Variants in PHACTR1 observed in about 807,000 individuals in gnomAD.
The protein encoded by PHACTR1 is RPEL repeat containing 1.
Under a neutral mutation model 69.2 loss-of-function variants are expected in PHACTR1, and 16 were observed. The observed-to-expected ratio is 0.23, with a 90% confidence interval of 0.16 to 0.35. The LOEUF is 0.35. Among genes scored for constraint, PHACTR1 ranks in the 10% least tolerant of loss-of-function variants. The probability of loss-of-function intolerance (pLI) is 1.00; values close to 1 mark genes in which losing one functional copy is unlikely to be tolerated. For synonymous variants in PHACTR1, 312 were observed against 284.5 expected (o/e 1.10, Z -0.97); for missense variants, 510 against 734.7 (o/e 0.69, Z 3.54).
At chr6:13,039,373 G>C (rs1376850911) in intron 4 of PHACTR1, among the ~76,000 whole-genome samples, 1 of 152,102 alleles carries the variant, frequency 6.6e-6, no homozygotes, top group Non-Finnish European at 1.5e-5. Context: ...TATTTGTAGG[G>C]TCTAAAGCAG....
At chr6:13,182,427 C>CA (rs1405967545) in intron 6 of PHACTR1, 92 bp from the exon 7 acceptor site, 24 of 1,378,120 alleles carry the variant, frequency 1.7e-5, no homozygotes, top group Middle Eastern at 3.7e-4. Context: ...CTTGATTGTT[C>CA]AGCAGCATCT....
At chr6:12,974,472 G>C (rs1235112685) in intron 4 of PHACTR1, among the ~76,000 whole-genome samples, 2 of 152,180 alleles carry the variant, frequency 1.3e-5, no homozygotes, top group Non-Finnish European at 2.9e-5. Flanking sequence ...CCGTTAACCA[G>C]ATTTGTCTCA....
chr6:12,957,343 G>A, intron 4 of PHACTR1: 4 of 984,922 alleles, frequency 4.1e-6, no homozygotes, highest in Non-Finnish European at 3.6e-6. Context: ...TGAAACAGCT[G>A]TACAGGCTTG....
chr6:13,073,551 C>G (rs1335727726), intron 5 of PHACTR1, among the ~76,000 whole-genome samples: 2 of 151,288 alleles, frequency 1.3e-5, no homozygotes, highest in Non-Finnish European at 2.9e-5. Flanking sequence ...ACCATGTTGT[C>G]CAGGCTGATC....
chr6:12,763,074 G>A (rs532719418), intron 4 of PHACTR1, among the ~76,000 whole-genome samples: 14 of 152,280 alleles, frequency 9.2e-5, no homozygotes, highest in African/African-American at 1.9e-4. Context: ...TTAGCTGGAC[G>A]TGGTGGCGCA....
At chr6:13,005,868 C>T (rs1798724143) in intron 4 of PHACTR1, among the ~76,000 whole-genome samples, 1 of 152,064 alleles carries the variant, frequency 6.6e-6, no homozygotes, top group African/African-American at 2.4e-5. Flanking sequence ...CCACCCCCCA[C>T]AATTATGTTG....
At chr6:13,095,878 G>A (rs1814154398) in intron 5 of PHACTR1, among the ~76,000 whole-genome samples, 1 of 144,274 alleles carries the variant, frequency 6.9e-6, no homozygotes, top group Non-Finnish European at 1.5e-5. Context: ...TATGTGTTAA[G>A]TCATGAAGTA....
At chr6:12,975,952 A>G (rs969462958) in intron 4 of PHACTR1, among the ~76,000 whole-genome samples, 13 of 152,340 alleles carry the variant, frequency 8.5e-5, no homozygotes, top group African/African-American at 2.4e-4. Context: ...ATGATCATCC[A>G]TTGAAAAGAT....
rs188813092 is a variant in PHACTR1 at position 12,913,804 on chromosome 6, T to C, written c.251-139561T>C. ...CAGGTGTTCCTGAATAACAAACACG[T>C]CACTGTTCACAAACAGGAGGTGGTC... On this transcript the variant is annotated intron_variant, in intron 4 of 14. Coordinates refer to ENST00000332995, the MANE Select transcript of PHACTR1 (RefSeq NM_030948.6). Among the ~76,000 whole-genome samples the C allele has an allele frequency of 5.8e-4, 88 of 152,292 alleles. 1 individual carries two copies. Among genetic ancestry groups the C allele is most frequent in the Middle Eastern group, 6.8e-3 (2 of 294 alleles).
chr6:13,270,965 AAGAG>A (rs144497419), intron 10 of PHACTR1, among the ~76,000 whole-genome samples: 21 of 149,880 alleles, frequency 1.4e-4, no homozygotes, highest in South Asian at 8.4e-4. Context: ...AAGCAGGAGC[AAGAG>A]AGAGAGAGAG....
chr6:13,097,323 A>G (rs992491213), intron 5 of PHACTR1, among the ~76,000 whole-genome samples: 15 of 152,366 alleles, frequency 9.8e-5, no homozygotes, highest in African/African-American at 2.6e-4. Flanking sequence ...ATGCAAATCA[A>G]TTCATGTCTT....
intron 5 of PHACTR1, among the ~76,000 whole-genome samples, chr6:13,091,246 A>G (rs1054126900): frequency 1.3e-5 from 2 of 152,060 alleles, no homozygotes; most frequent in African/African-American, 4.8e-5. Context: ...TGATCCACCC[A>G]CCTCAGCCTC....
At chr6:12,734,158 T>C (rs1192839049) in intron 3 of PHACTR1, among the ~76,000 whole-genome samples, 3 of 152,150 alleles carry the variant, frequency 2.0e-5, no homozygotes, top group African/African-American at 7.2e-5. Flanking sequence ...CTATGTTAGG[T>C]GTTTTGCATT....
Position 13,163,282 on chromosome 6 carries a change from A to G in PHACTR1, c.496+2998A>G, listed in dbSNP as rs564302158. 3.5e-3 allele frequency among the ~76,000 whole-genome samples: 527 copies of G among 152,320 alleles called. 6 individuals are homozygous for G. The highest frequency in any genetic ancestry group is 0.012 in the African/African-American group (496 of 41,566). ...AATAAGTAAATCTGTACATACATAC[A>G]TAAATAAGTGATTGCAGAGGGAAGG... On this transcript the variant is annotated intron_variant, in intron 6 of 14. Coordinates refer to ENST00000332995, the MANE Select transcript of PHACTR1 (RefSeq NM_030948.6).
chr6:13,026,706 C>T (rs1007307923), intron 4 of PHACTR1, among the ~76,000 whole-genome samples: 5 of 151,942 alleles, frequency 3.3e-5, no homozygotes, highest in African/African-American at 1.2e-4. Flanking sequence ...AAGGTGAAAG[C>T]GCAGAGGGAG....
In PHACTR1 at chr6:13,158,173, C is replaced by G. The variant is rs533465739; in HGVS notation, c.416-2031C>G. Reference sequence around the variant, plus strand: ...CTGGGATTATAGGTGTGAACCCCCGCGCCCGGCTGCTTAGCAGATCTTTTC... The same window carrying G: ...CTGGGATTATAGGTGTGAACCCCCGGGCCCGGCTGCTTAGCAGATCTTTTC... On this transcript the variant is annotated intron_variant, in intron 5 of 14. Transcript: ENST00000332995. Among the ~76,000 whole-genome samples the G allele has an allele frequency of 2.0e-5, 3 of 151,978 alleles. No homozygotes were observed. The East Asian group carries it at 5.8e-4, about 29-fold the overall frequency.
intron 8 of PHACTR1, among the ~76,000 whole-genome samples, chr6:13,220,338 T>C (rs754712544): frequency 5.3e-5 from 8 of 152,238 alleles, no homozygotes; most frequent in South Asian, 2.1e-4. Context: ...ACCTAGGTGA[T>C]AGGGAGCAGA....
chr6:13,139,111 G>C (rs1012400092), intron 5 of PHACTR1, among the ~76,000 whole-genome samples: 1 of 104,660 alleles, frequency 9.6e-6, no homozygotes, highest in Non-Finnish European at 2.0e-5. Context: ...TTTGCTATTT[G>C]CCTTTTTTTT....
intron 8 of PHACTR1, among the ~76,000 whole-genome samples, chr6:13,226,739 ATTT>A (rs34995550): frequency 1.4e-5 from 2 of 141,260 alleles, no homozygotes; most frequent in Admixed American, 7.1e-5. Context: ...ACTTGTATAG[ATTT>A]TTTTTTTTTT....
Sources: gnomAD v4.1 joint callset for allele counts (sites outside exome capture counted in the v4.1 genomes callset) on GRCh38, gnomAD v4.1.1 for gene constraint, MANE v1.5 for transcripts, NCBI Gene and HGNC (gene_info 2026-07-23, HGNC 2026-07-21) for gene names.